MYO15A: variants seen among roughly 807,000 people sequenced by gnomAD.
The protein encoded by MYO15A is myosin XVA.
Under a neutral mutation model 394.6 loss-of-function variants are expected in MYO15A, and 308 were observed. The observed-to-expected ratio is 0.78, with a 90% CI of 0.71 to 0.86. The LOEUF is 0.86. MYO15A is among the 40% of genes least tolerant of loss of function. The pLI, the probability that MYO15A is intolerant of heterozygous loss-of-function variation, is 0.00. For synonymous variants in MYO15A, 1,957 were observed against 2,003.8 expected, an observed-to-expected ratio of 0.98 and a Z score of 0.62; for missense variants, 4,606 against 4,799.1, an observed-to-expected ratio of 0.96 and a Z score of 1.19.
In MYO15A at chr17:18,119,693, C is replaced by A. The variant is rs1037224178; in HGVS notation, c.893C>A (p.Pro298His). ...DYYHPDYYGG[P>H]FDPGYTYGYG... ...TACCACCCCGACTATTACGGTGGCCCCTTTGATCCGGGGTACACCTACGGC... is the reference window on the plus strand; with the variant it reads ...TACCACCCCGACTATTACGGTGGCCACTTTGATCCGGGGTACACCTACGGC... Residue 298 changes from proline to histidine, a missense_variant, in exon 2 of 66, where the codon CCC becomes CAC. Around this residue, in one of 2 missense-constraint regions of MYO15A, gnomAD observed 1,830 missense variants for 1,689.7 expected, o/e 1.08. Transcript: ENST00000647165. The A allele has an allele frequency of 4.3e-6, 7 of 1,609,594 alleles. No homozygotes were observed. The highest frequency in any genetic ancestry group is 5.9e-6 in the Non-Finnish European group (7 of 1,179,966).
At chr17:18,127,500 C>T (rs2046070945) in intron 7 of MYO15A, among the ~76,000 whole-genome samples, 1 of 152,158 alleles carries the variant, frequency 6.6e-6, no homozygotes, top group Non-Finnish European at 1.5e-5. Flanking sequence ...TGGTCATGGC[C>T]CTGGGGCCAC....
rs1448169337 is a variant in MYO15A at position 18,133,364 on chromosome 17, A to G, written c.4460A>G (p.Asn1487Ser). The G allele has an allele frequency of 6.2e-7, 1 of 1,614,084 alleles. No individual in the cohort carries two copies. Among genetic ancestry groups the G allele is most frequent in the Non-Finnish European group, 8.5e-7 (1 of 1,180,038 alleles). ...RILASILHLG[N>S]VYFEKYETDA... The stretch of plus-strand genomic sequence containing the variant: ...CTGGCCTCCATCCTGCACCTGGGCA[A>G]CGTCTACTTTGAGAAGTATGAGGTG... Residue 1487 changes from asparagine (N) to serine (S), a missense_variant, in exon 12 of 66, where the codon AAC becomes AGC. By Grantham distance (46) the Asn-to-Ser change is conservative. Coordinates refer to ENST00000647165, the MANE Select transcript of MYO15A (RefSeq NM_016239.4).
In MYO15A at chr17:18,150,839, C is replaced by T. The variant is rs1322880313; in HGVS notation, c.7399C>T (p.Arg2467Trp). Residue 2467 changes from arginine to tryptophan, a missense_variant, in exon 38 of 66, where the codon CGG becomes TGG. Physicochemically the swap from Arg to Trp is moderately radical, Grantham distance 101. Around this residue, in one of 2 missense-constraint regions of MYO15A, gnomAD observed 2,776 missense variants for 3,109.3 expected, o/e 0.89. Coordinates refer to ENST00000647165, the MANE Select transcript of MYO15A (RefSeq NM_016239.4). The surrounding 1 kb of genome is among the most constrained non-coding windows in gnomAD (Gnocchi z 4.4). ...FIHKQAVLLA[R>W]EMTLQATALQ... ...CACCACTGCCACCTCTCCCCAGGCC[C>T]GGGAGATGACCCTGCAGGCCACGGC... 2.3e-5 allele frequency: 36 copies of T among 1,593,494 alleles called. No homozygotes were observed. The East Asian group carries it at 2.7e-4, about 12-fold the overall frequency.
At chr17:18,137,202 G>A (rs1224503176) in intron 15 of MYO15A, among the ~76,000 whole-genome samples, 1 of 152,216 alleles carries the variant, frequency 6.6e-6, no homozygotes, top group African/African-American at 2.4e-5. Flanking sequence ...CCTGTTATGT[G>A]CCAGGTGCTG....
chr17:18,175,892 C>T (rs2047008040), intron 65 of MYO15A, among the ~76,000 whole-genome samples: 1 of 151,998 alleles, frequency 6.6e-6, no homozygotes, highest in Admixed American at 6.6e-5. Context: ...TCTGCTCATT[C>T]CTCCAGCCAC....
chr17:18,121,940 C>G lies in MYO15A; in HGVS notation c.3140C>G (p.Pro1047Arg), dbSNP rs77565048. 4.1e-3 allele frequency: 6,541 copies of G among 1,613,412 alleles called. 29 individuals are homozygous for G. The highest frequency in any genetic ancestry group is 0.016 in the African/African-American group (1,236 of 75,040). Residue 1047 changes from proline to arginine, a missense_variant, in exon 2 of 66, where the codon CCC (proline) becomes CGC (arginine). Physicochemically the swap from Pro to Arg is moderately radical, Grantham distance 103. Around this residue, in one of 2 missense-constraint regions of MYO15A, gnomAD observed 1,830 missense variants for 1,689.7 expected, o/e 1.08. Coordinates refer to ENST00000647165, the MANE Select transcript of MYO15A (RefSeq NM_016239.4). The surrounding 1 kb of genome is among the most constrained non-coding windows in gnomAD (Gnocchi z 5.3). ...ACTCCCCCCAAGGATATCACTCCCCCCAAGGATGTCCTCCCAGAGCAAAAG... is the reference window on the plus strand; with the variant it reads ...ACTCCCCCCAAGGATATCACTCCCCGCAAGGATGTCCTCCCAGAGCAAAAG... ...DVTPPKDITPPKDVLPEQKTL... is the reference protein window; with the variant it reads ...DVTPPKDITPRKDVLPEQKTL...
chr17:18,122,586 G>T, intron 2 of MYO15A, 177 bp downstream of exon 2: 4 of 956,488 alleles, frequency 4.2e-6, no homozygotes, highest in Non-Finnish European at 4.5e-6. Flanking sequence ...CTGGAGGGTT[G>T]AACAAGGGGA....
chr17:18,149,434 G>A (rs2046540472), intron 34 of MYO15A, 52 bp from the exon 35 acceptor site: 1 of 1,613,932 alleles, frequency 6.2e-7, no homozygotes, highest in Non-Finnish European at 8.5e-7. Flanking sequence ...GCTGTGTGGG[G>A]TGGAAATCAT....
At position 18,126,327 on chromosome 17, in the gene MYO15A, G is replaced by A. The variant is rs1265460172; in HGVS notation, c.3757-20G>A. ...GGTCTGCAAGGAGCCACGACGCTGA[G>A]GCCACCGTCTGCCCAGCAGACATAC... On this transcript the variant is annotated intron_variant, in intron 4 of 65. Coordinates refer to ENST00000647165, the MANE Select transcript of MYO15A (RefSeq NM_016239.4). The A allele has an allele frequency of 1.9e-6, 3 of 1,605,662 alleles. No individual in the cohort carries two copies. The Admixed American group carries it at 5.0e-5, about 27-fold the overall frequency.
rs1431769533 is a variant in MYO15A, at chr17:18,118,788, G to A, written c.-13G>A. The stretch of plus-strand genomic sequence containing the variant: ...ACACCGGCCCCAGGCCCTGTAGAGA[G>A]CAGGCAGCCACCATGGCGAAGGAGG... On this transcript the variant is annotated 5_prime_UTR_variant, in exon 2 of 66. Transcript: ENST00000647165. The A allele has an allele frequency of 6.2e-7, 1 of 1,608,170 alleles. No homozygotes were observed. Among genetic ancestry groups the A allele is most frequent in the Non-Finnish European group, 8.5e-7 (1 of 1,177,634 alleles).
chr17:18,155,950 G>A (rs1052745666), intron 47 of MYO15A: 2 of 560,376 alleles, frequency 3.6e-6, no homozygotes, highest in Non-Finnish European at 6.4e-6. Flanking sequence ...TTTAGAGCTT[G>A]GACCAAGGGA....
intron 65 of MYO15A, 73 bp downstream of exon 65, chr17:18,173,994 T>C (rs1305656896): frequency 5.8e-6 from 9 of 1,552,154 alleles, no homozygotes; most frequent in Middle Eastern, 4.4e-4. Flanking sequence ...ATAGGTCAGG[T>C]CCCTGCCATG....
rs779091810 is a variant in MYO15A, at chr17:18,173,812, T to A, written c.10382T>A (p.Ile3461Asn). The change falls in exon 65 of 66, where the codon ATC (isoleucine) becomes AAC (asparagine). Residue 3461 changes from isoleucine (I) to asparagine (N), a missense_variant. Ile to Asn is a moderately radical substitution (Grantham distance 149, BLOSUM62 -3). This residue lies in a region of MYO15A where 2,776 missense variants were observed against 3,109.3 expected (regional missense o/e 0.89). Transcript: ENST00000647165. ...ATGGTGAAGTTCCCCCTGAAGGAGA[T>A]CCAGTCGACGCGGACCCAGCGGCCC... Reference protein sequence around the residue: ...ELMVKFPLKEIQSTRTQRPTA... With the variant: ...ELMVKFPLKENQSTRTQRPTA... 1.9e-6 allele frequency: 3 copies of A among 1,613,950 alleles called. No homozygotes were observed.
rs1050894844 is a variant in MYO15A, at chr17:18,150,159, T to C, written c.7213-270T>C. ...CCCACCCCCACTGCCCCTGGCATGA[T>C]ATGCAGCCCTGAGCAGGGCACAACC... On this transcript the variant is annotated intron_variant, in intron 35 of 65. Coordinates refer to ENST00000647165, the MANE Select transcript of MYO15A (RefSeq NM_016239.4). The surrounding 1 kb of genome is among the most constrained non-coding windows in gnomAD (Gnocchi z 4.4). Among the ~76,000 whole-genome samples, 1 of 151,942 alleles carries C rather than the reference T, an allele frequency of 6.6e-6. No individual in the cohort carries two copies. The highest frequency in any genetic ancestry group is 1.5e-5 in the Non-Finnish European group (1 of 67,968).
Position 18,121,295 on chromosome 17 carries a change from G to T in MYO15A, c.2495G>T (p.Arg832Leu). Residue 832 changes from arginine (R) to leucine (L), a missense_variant, in exon 2 of 66, where the codon CGC becomes CTC. Arg to Leu is a moderately radical substitution (Grantham distance 102). Coordinates refer to ENST00000647165, the MANE Select transcript of MYO15A (RefSeq NM_016239.4). The surrounding 1 kb of genome is among the most constrained non-coding windows in gnomAD (Gnocchi z 5.3). Reference protein sequence around the residue: ...ESPAPRRAAGRLGPPGSPLPG... With the variant: ...ESPAPRRAAGLLGPPGSPLPG... ...CCAGCCCCACGCCGAGCCGCTGGGC[G>T]CCTGGGCCCACCCGGCTCGCCGCTG... The T allele has an allele frequency of 2.2e-6, 3 of 1,336,362 alleles. No homozygotes were observed. Among genetic ancestry groups the T allele is most frequent in the South Asian group, 1.8e-5 (1 of 56,996 alleles). 82.8% of individuals were successfully genotyped at this position (1,336,362 alleles called of 1,614,324 possible).
At chr17:18,151,055 A>T (rs890261266) in intron 38 of MYO15A, 55 bp from the exon 39 acceptor site, 12 of 1,611,782 alleles carry the variant, frequency 7.4e-6, no homozygotes, top group Middle Eastern at 1.6e-4. Flanking sequence ...CTGGAGTCCC[A>T]GAGAGCAGCC....
Position 18,150,388 on chromosome 17 carries a change from A to T in MYO15A, c.7213-41A>T. On this transcript the variant is annotated intron_variant, in intron 35 of 65. Transcript: ENST00000647165. This position sits in a 1 kb window ranked among gnomAD's most constrained non-coding sequence, Gnocchi z 4.4. ...CCTGTTGCCATGGAACCTTGGGAGT[A>T]CAATAATGAGATGGTCACTTGAGCC... 6.3e-7 allele frequency: 1 copy of T among 1,578,236 alleles called. No homozygotes were observed. Among genetic ancestry groups the T allele is most frequent in the South Asian group, 1.1e-5 (1 of 90,296 alleles).
In MYO15A at chr17:18,121,072, C is replaced by T. The variant is rs1036464353; in HGVS notation, c.2272C>T (p.Pro758Ser). Residue 758 changes from proline to serine, a missense_variant, in exon 2 of 66, where the codon CCC becomes TCC. Pro to Ser is a moderately conservative substitution (Grantham distance 74). Around this residue, in one of 2 missense-constraint regions of MYO15A, gnomAD observed 1,830 missense variants for 1,689.7 expected, o/e 1.08. Coordinates refer to ENST00000647165, the MANE Select transcript of MYO15A (RefSeq NM_016239.4). This position sits in a 1 kb window ranked among gnomAD's most constrained non-coding sequence, Gnocchi z 5.3. Reference sequence around the variant, plus strand: ...CCGGAGAGGGGCGGCTTTCGGCTTCCCCGGGGCCTCTCCACGGGCGTCGCG... The same window carrying T: ...CCGGAGAGGGGCGGCTTTCGGCTTCTCCGGGGCCTCTCCACGGGCGTCGCG... ...SRRRGAAFGF[P>S]GASPRASRRR... 2.7e-6 allele frequency: 4 copies of T among 1,506,738 alleles called. No homozygotes were observed. The highest frequency in any genetic ancestry group is 2.9e-5 in the African/African-American group (2 of 69,558). 93.3% of individuals were successfully genotyped at this position (1,506,738 alleles called of 1,614,324 possible).
chr17:18,141,895 G>A, intron 23 of MYO15A, 125 bp downstream of exon 23: 1 of 1,220,566 alleles, frequency 8.2e-7, no homozygotes, highest in Non-Finnish European at 1.2e-6. Context: ...CTTGGGATAT[G>A]GAATGCTAAC....
Sources: allele counts gnomAD v4.1 joint callset (sites outside exome capture counted in the v4.1 genomes callset), GRCh38; gene constraint gnomAD v4.1.1; regional missense constraint gnomAD v4.1.1; non-coding constraint Gnocchi (gnomAD v3.1); transcripts MANE v1.5; gene names NCBI Gene and HGNC (gene_info 2026-07-23, HGNC 2026-07-21).